Variants in LGALS9 observed in about 807,000 individuals in gnomAD.
LGALS9 encodes galectin 9.
LGALS9 carries 26 observed loss-of-function variants against 35.9 expected under a neutral mutation model. That is an observed-to-expected ratio of 0.72 (90% CI 0.53 to 1.01). LGALS9 has a LOEUF of 1.01. LGALS9 is among the 50% of genes least tolerant of loss of function. The pLI is 0.00. For synonymous variants in LGALS9, 149 were observed against 172.2 expected (o/e 0.87, Z 1.06); for missense variants, 347 against 445.8 (o/e 0.78, Z 1.99).
intron 9 of LGALS9, 73 bp downstream of exon 9, chr17:27,647,191 C>T: frequency 6.2e-7 from 1 of 1,613,850 alleles, no homozygotes; most frequent in Non-Finnish European, 8.5e-7. Context: ...CCCCTGGCTT[C>T]AGGAAGGCTA....
At position 27,631,206 on chromosome 17, in the gene LGALS9, T is replaced by C. The variant is rs1333236576; in HGVS notation, c.-60T>C. ...TCTATTTCTTTGTTAAGTCGTTCCC[T>C]CTACAAAGGACTTCCTAGTGGGTGT... is the stretch of plus-strand genomic sequence containing the variant. On this transcript the variant is annotated 5_prime_UTR_variant, in exon 1 of 11. Transcript: ENST00000395473. 1 of 1,611,878 alleles carries C rather than the reference T, an allele frequency of 6.2e-7. No individual in the cohort carries two copies. The highest frequency in any genetic ancestry group is 2.2e-5 in the East Asian group (1 of 44,864).
At position 27,646,582 on chromosome 17, in the gene LGALS9, C is replaced by T. The variant is rs750156773; in HGVS notation, c.663C>T (p.Pro221=). The T allele has an allele frequency of 4.0e-5, 64 of 1,612,442 alleles. No homozygotes were observed. The highest frequency in any genetic ancestry group is 1.2e-4 in the South Asian group (11 of 90,996). The part of the protein sequence containing the change: ...PAIPPMMYPH[P]AYPMPFITTI... ...TCCCACCTATGATGTACCCCCACCCCGCCTATGTAAGTGGTTTCTCAGGGA... is the reference window on the plus strand; with the variant it reads ...TCCCACCTATGATGTACCCCCACCCTGCCTATGTAAGTGGTTTCTCAGGGA... The change falls in exon 8 of 11, where the codon CCC becomes CCT. Residue 221 remains proline, a synonymous_variant. Coordinates refer to ENST00000395473, the MANE Select transcript of LGALS9 (RefSeq NM_009587.3).
In LGALS9 at chr17:27,649,268, G is replaced by C. The variant is rs565949911; in HGVS notation, c.*286G>C. The C allele has an allele frequency of 1.9e-6, 1 of 525,658 alleles. No individual in the cohort carries two copies. The highest frequency in any genetic ancestry group is 3.5e-5 in the East Asian group (1 of 28,730). 32.6% of individuals were successfully genotyped at this position (525,658 alleles called of 1,614,324 possible). A position where few individuals can be genotyped will look rare whatever the true frequency, so the allele number is the denominator to read the frequency against. ...GCCAGGGAGAGGGGAGGAGTGGGCAGTGAAGATGAAGCCCCATGCTCAGTC... is the reference window on the plus strand; with the variant it reads ...GCCAGGGAGAGGGGAGGAGTGGGCACTGAAGATGAAGCCCCATGCTCAGTC... On this transcript the variant is annotated 3_prime_UTR_variant, in exon 11 of 11. Transcript: ENST00000395473.
In LGALS9 at chr17:27,649,108, G is replaced by C; in HGVS notation, c.*126G>C. On this transcript the variant is annotated 3_prime_UTR_variant, in exon 11 of 11. Coordinates refer to ENST00000395473, the MANE Select transcript of LGALS9 (RefSeq NM_009587.3). Reference sequence around the variant, plus strand: ...ATCTGGGCTTTAATGCAGAGGCCATGTCCTTGTCTGGTCCTGCTTCTGGCT... The same window carrying C: ...ATCTGGGCTTTAATGCAGAGGCCATCTCCTTGTCTGGTCCTGCTTCTGGCT... The C allele has an allele frequency of 6.9e-7, 1 of 1,449,064 alleles. No homozygotes were observed. The highest frequency in any genetic ancestry group is 9.4e-7 in the Non-Finnish European group (1 of 1,058,228). 89.8% of individuals were successfully genotyped at this position (1,449,064 alleles called of 1,614,324 possible).
Position 27,640,748 on chromosome 17 carries a change from T to A in LGALS9, c.308T>A (p.Phe103Tyr). 2 of 1,614,152 alleles carry A rather than the reference T, an allele frequency of 1.2e-6. No homozygotes were observed. The highest frequency in any genetic ancestry group is 8.5e-7 in the Non-Finnish European group (1 of 1,180,004). ...AAGGGGATGCCCTTTGACCTCTGCT[T>A]CCTGGTGCAGAGCTCAGATTTCAAG... is the stretch of plus-strand genomic sequence containing the variant. ...FQKGMPFDLC[F>Y]LVQSSDFKVM... The change falls in exon 3 of 11, where the codon TTC (phenylalanine) becomes TAC (tyrosine). Residue 103 changes from phenylalanine (F) to tyrosine (Y), a missense_variant. Transcript: ENST00000395473.
chr17:27,644,770 C>T (rs936409776), intron 5 of LGALS9: 1 of 156,222 alleles, frequency 6.4e-6, no homozygotes, highest in Non-Finnish European at 1.4e-5. Flanking sequence ...GGCCCTGGCT[C>T]TGGGGAGGAT....
In LGALS9 at chr17:27,647,313, C is replaced by T. The variant is rs1424446105; in HGVS notation, c.802C>T (p.Leu268=). The T allele has an allele frequency of 1.2e-6, 2 of 1,614,186 alleles. No homozygotes were observed. The highest frequency in any genetic ancestry group is 1.7e-6 in the Non-Finnish European group (2 of 1,180,038). ...CTCTGGGAACCACATCGCCTTCCAC[C>T]TGAACCCCCGTTTTGATGAGAATGC... The part of the protein sequence containing the change: ...LCSGNHIAFH[L]NPRFDENAVV... Residue 268 remains leucine, a synonymous_variant, in exon 10 of 11, where the codon CTG becomes TTG. Transcript: ENST00000395473.
chr17:27,647,535 T>C (rs1169207961), intron 10 of LGALS9, 103 bp downstream of exon 10: 1 of 1,481,602 alleles, frequency 6.7e-7, no homozygotes, highest in Non-Finnish European at 9.1e-7. Flanking sequence ...GGCTGATTCC[T>C]CTGGGATGAA....
rs1905141636 is a variant in LGALS9, at chr17:27,649,151, G to C, written c.*169G>C. 4.6e-6 allele frequency: 5 copies of C among 1,093,726 alleles called. No homozygotes were observed. In the African/African-American group the frequency reaches 6.3e-5, roughly 14 times the overall value. The allele number at this position is 1,093,726 out of a possible 1,614,324, so 67.8% of individuals were successfully genotyped here. A position where few individuals can be genotyped will look rare whatever the true frequency, so the allele number is the denominator to read the frequency against. ...TTCTGGCTACAGCCACCCTGGAACG[G>C]AGAAGGCAGCTGACGGGGATTGCCT... On this transcript the variant is annotated 3_prime_UTR_variant, in exon 11 of 11. Coordinates refer to ENST00000395473, the MANE Select transcript of LGALS9 (RefSeq NM_009587.3).
At chr17:27,642,369 C>G (rs762210143) in intron 4 of LGALS9, 21 bp downstream of exon 4, 14 of 1,611,644 alleles carry the variant, frequency 8.7e-6, no homozygotes, top group Non-Finnish European at 1.0e-5. Context: ...CCACCTGGCA[C>G]CGGTCCCAGG....
At chr17:27,648,525 A>T (rs1905097146) in intron 10 of LGALS9, among the ~76,000 whole-genome samples, 1 of 152,172 alleles carries the variant, frequency 6.6e-6, no homozygotes, top group Admixed American at 6.5e-5. Flanking sequence ...AAGACAAGTT[A>T]GGAGACTGAT....
In LGALS9 at chr17:27,649,106, A is replaced by T; in HGVS notation, c.*124A>T. On this transcript the variant is annotated 3_prime_UTR_variant, in exon 11 of 11. Coordinates refer to ENST00000395473, the MANE Select transcript of LGALS9 (RefSeq NM_009587.3). ...GGATCTGGGCTTTAATGCAGAGGCCATGTCCTTGTCTGGTCCTGCTTCTGG... is the reference window on the plus strand; with the variant it reads ...GGATCTGGGCTTTAATGCAGAGGCCTTGTCCTTGTCTGGTCCTGCTTCTGG... 6.8e-7 allele frequency: 1 copy of T among 1,474,266 alleles called. No individual in the cohort carries two copies. The highest frequency in any genetic ancestry group is 9.3e-7 in the Non-Finnish European group (1 of 1,077,130). 91.3% of individuals were successfully genotyped at this position (1,474,266 alleles called of 1,614,324 possible).
chr17:27,641,669 G>C (rs895132169), intron 3 of LGALS9, among the ~76,000 whole-genome samples: 15 of 152,210 alleles, frequency 9.9e-5, no homozygotes, highest in Middle Eastern at 6.8e-3. Context: ...TTGCACCCTG[G>C]AACTTAAAAT....
chr17:27,632,219 C>T (rs995838284), intron 1 of LGALS9, among the ~76,000 whole-genome samples: 3 of 92,854 alleles, frequency 3.2e-5, no homozygotes, highest in South Asian at 3.7e-4. Flanking sequence ...AAGAGCTTCC[C>T]GAGGGGCTGG....
intron 1 of LGALS9, 96 bp downstream of exon 1, chr17:27,631,400 G>T: frequency 1.3e-6 from 2 of 1,506,838 alleles, no homozygotes; most frequent in Non-Finnish European, 9.2e-7. Context: ...GGGGATGGGG[G>T]TGGGGGCATC....
intron 2 of LGALS9, among the ~76,000 whole-genome samples, chr17:27,639,353 C>T (rs1049126754): frequency 6.6e-6 from 1 of 151,148 alleles, no homozygotes; most frequent in Non-Finnish European, 1.5e-5. Context: ...CCCTCCACCT[C>T]CCCCACCCCC....
chr17:27,637,965 C>A (rs536139597), intron 1 of LGALS9, among the ~76,000 whole-genome samples: 38 of 152,218 alleles, frequency 2.5e-4, no homozygotes, highest in African/African-American at 8.9e-4. Flanking sequence ...TGCATTCCTG[C>A]TGCAGCCTCC....
At chr17:27,631,958 G>T (rs1177098759) in intron 1 of LGALS9, among the ~76,000 whole-genome samples, 1 of 151,992 alleles carries the variant, frequency 6.6e-6, no homozygotes, top group Non-Finnish European at 1.5e-5. Context: ...TCTGTGGAGG[G>T]GCAGTCTCAG....
At chr17:27,646,368 C>T (rs1231581625) in intron 7 of LGALS9, among the ~76,000 whole-genome samples, 179 bp from the exon 8 acceptor site, 2 of 152,118 alleles carry the variant, frequency 1.3e-5, no homozygotes, top group Non-Finnish European at 2.9e-5. Context: ...TCTGGGAACA[C>T]GGCAGGAAGT....
Sources: gnomAD v4.1 joint callset for allele counts (sites outside exome capture counted in the v4.1 genomes callset) on GRCh38, gnomAD v4.1.1 for gene constraint, MANE v1.5 for transcripts, NCBI Gene and HGNC (gene_info 2026-07-23, HGNC 2026-07-21) for gene names.